Variants in TMPRSS6 observed in about 807,000 individuals in gnomAD.
TMPRSS6 encodes transmembrane protease serine 6.
A neutral mutation model predicts 101.5 loss-of-function variants in TMPRSS6; 67 were observed. The observed-to-expected ratio is 0.66, with a 90% confidence interval of 0.54 to 0.81. The LOEUF (loss-of-function observed/expected upper bound fraction) is 0.81. TMPRSS6 is among the 30% of genes least tolerant of loss of function. The probability of loss-of-function intolerance (pLI) is 0.00; values close to 1 mark genes in which losing one functional copy is unlikely to be tolerated. For missense variants in TMPRSS6, 1,034 were observed against 1,088.7 expected, an observed-to-expected ratio of 0.95 and a Z score of 0.71; for synonymous variants, 453 against 464.9, an observed-to-expected ratio of 0.97 and a Z score of 0.33.
rs765111599 is a variant in TMPRSS6, at chr22:37,103,245, G to A, written c.173C>T (p.Ser58Leu). ...GAAATACCAGAGTAGCACCCCCGCC[G>A]AAGCCAGCACGAGCAGGGCCAGCAG... Reference protein sequence around the residue: ...FVLLALLVLASAGVLLWYFLG... With the variant: ...FVLLALLVLALAGVLLWYFLG... Residue 58 changes from serine (S) to leucine (L), a missense_variant, in exon 2 of 18, where the codon TCG becomes TTG. Transcript: ENST00000676104. The surrounding 1 kb of genome is among the most constrained non-coding windows in gnomAD (Gnocchi z 4.4). 37 of 1,613,932 alleles carry A rather than the reference G, an allele frequency of 2.3e-5. No individual in the cohort carries two copies. The highest frequency in any genetic ancestry group is 2.2e-5 in the East Asian group (1 of 44,892).
rs1926347350 is a variant in TMPRSS6 at position 37,066,898 on chromosome 22, C to T, written c.2178G>A (p.Glu726=). The T allele has an allele frequency of 1.9e-6, 3 of 1,614,152 alleles. No individual in the cohort carries two copies. Among genetic ancestry groups the T allele is most frequent in the Non-Finnish European group, 2.5e-6 (3 of 1,180,030 alleles). Reference sequence around the variant, plus strand: ...GTGGCGTCACCTGGTAGCGATAGACCTCGCTGCACAGGTCCTGTGGGATCA... The same window carrying T: ...GTGGCGTCACCTGGTAGCGATAGACTTCGCTGCACAGGTCCTGTGGGATCA... ...VQLIPQDLCS[E]VYRYQVTPRM... Residue 726 remains glutamate, a synonymous_variant, in exon 17 of 18, where the codon GAG becomes GAA. Transcript: ENST00000676104.
In TMPRSS6 at chr22:37,084,341, A is replaced by G; in HGVS notation, c.1150T>C (p.Tyr384His). Reference protein sequence around the residue: ...FDAYALRRQKYDLPCTQGQWT... With the variant: ...FDAYALRRQKHDLPCTQGQWT... Reference sequence around the variant, plus strand: ...TGGCCCTGGGTGCACGGCAAATCATACTTCTGCCTCCTCAGTGCATAGGCA... The same window carrying G: ...TGGCCCTGGGTGCACGGCAAATCATGCTTCTGCCTCCTCAGTGCATAGGCA... Residue 384 changes from tyrosine (Y) to histidine (H), a missense_variant, in exon 10 of 18, where the codon TAT (tyrosine) becomes CAT (histidine). Transcript: ENST00000676104. 1.9e-6 allele frequency: 3 copies of G among 1,613,636 alleles called. No homozygotes were observed. The highest frequency in any genetic ancestry group is 2.5e-6 in the Non-Finnish European group (3 of 1,179,794).
chr22:37,094,449 C>G (rs1929567462), intron 6 of TMPRSS6, among the ~76,000 whole-genome samples: 2 of 151,032 alleles, frequency 1.3e-5, no homozygotes, highest in South Asian at 4.2e-4. Flanking sequence ...AGCTAGCTAG[C>G]TAGACAGACA....
chr22:37,078,773 A>AGGAGG (rs1569005320), intron 10 of TMPRSS6, among the ~76,000 whole-genome samples: 3 of 144,504 alleles, frequency 2.1e-5, no homozygotes, highest in Non-Finnish European at 3.0e-5. Context: ...GAATGAGGAG[A>AGGAGG]AGGAGGAGGA....
intron 10 of TMPRSS6, among the ~76,000 whole-genome samples, chr22:37,080,994 A>T (rs753244116): frequency 3.3e-5 from 5 of 152,246 alleles, no homozygotes; most frequent in Non-Finnish European, 7.3e-5. Flanking sequence ...ACCCACGTGC[A>T]CTCCAGATCA....
At chr22:37,090,623 A>T (rs866283610) in intron 6 of TMPRSS6, among the ~76,000 whole-genome samples, 20 of 152,306 alleles carry the variant, frequency 1.3e-4, no homozygotes, top group African/African-American at 4.8e-4. Context: ...GCTGTATGAG[A>T]TACTTTCAAT....
rs1232089060 is a variant in TMPRSS6 at position 37,095,914 on chromosome 22, A to T, written c.581T>A (p.Val194Glu). The change falls in exon 5 of 18, where the codon GTG (valine) becomes GAG (glutamate). Residue 194 changes from valine (V) to glutamate (E), a missense_variant. Coordinates refer to ENST00000676104, the MANE Select transcript of TMPRSS6 (RefSeq NM_001374504.1). Reference protein sequence around the residue: ...AEYEVDPEGLVILEASVKDIA... With the variant: ...AEYEVDPEGLEILEASVKDIA... ...CCACTCGCAGTACTGACCCAGGATCACTAGGCCCTCGGGGTCCACTTCGTA... is the reference window on the plus strand; with the variant it reads ...CCACTCGCAGTACTGACCCAGGATCTCTAGGCCCTCGGGGTCCACTTCGTA... The T allele has an allele frequency of 1.2e-6, 2 of 1,614,058 alleles. No individual in the cohort carries two copies.
Position 37,103,139 on chromosome 22 carries a change from G to T in TMPRSS6, c.202+77C>A. 1 of 1,493,870 alleles carries T rather than the reference G, an allele frequency of 6.7e-7. No homozygotes were observed. The highest frequency in any genetic ancestry group is 9.3e-7 in the Non-Finnish European group (1 of 1,078,030). 92.5% of individuals were successfully genotyped at this position (1,493,870 alleles called of 1,614,324 possible). A position where few individuals can be genotyped will look rare whatever the true frequency, so the allele number is the denominator to read the frequency against. On this transcript the variant is annotated intron_variant, in intron 2 of 17. Coordinates refer to ENST00000676104, the MANE Select transcript of TMPRSS6 (RefSeq NM_001374504.1). The surrounding 1 kb of genome is among the most constrained non-coding windows in gnomAD (Gnocchi z 4.4). ...TAAGCACGGCTGAGCCTGGAACCCAGTCCTGTCCTGCTGTGCCTGCTACAG... is the reference window on the plus strand; with the variant it reads ...TAAGCACGGCTGAGCCTGGAACCCATTCCTGTCCTGCTGTGCCTGCTACAG...
At chr22:37,076,064 AAAG>A (rs1428287407) in intron 10 of TMPRSS6, among the ~76,000 whole-genome samples, 1 of 151,564 alleles carries the variant, frequency 6.6e-6, no homozygotes, top group Non-Finnish European at 1.5e-5. Flanking sequence ...GGGAAAGAAA[AAAG>A]AAAAGAAAAG....
chr22:37,102,168 C>T, intron 2 of TMPRSS6, among the ~76,000 whole-genome samples: 1 of 152,366 alleles, frequency 6.6e-6, no homozygotes. Context: ...AGAGCACTAG[C>T]TATCCTTTGC....
intron 10 of TMPRSS6, among the ~76,000 whole-genome samples, chr22:37,081,769 G>A (rs1307436046): frequency 1.3e-5 from 2 of 152,188 alleles, no homozygotes; most frequent in Admixed American, 6.5e-5. Flanking sequence ...AGGGACAAGA[G>A]GCCAAGTCCT....
chr22:37,107,719 C>T lies in TMPRSS6; in HGVS notation c.-2+1784G>A, dbSNP rs140588660. 7.2e-3 allele frequency among the ~76,000 whole-genome samples: 1,103 copies of T among 152,268 alleles called. 4 individuals carry two copies. Among genetic ancestry groups the T allele is most frequent in the Non-Finnish European group, 0.012 (829 of 68,026 alleles). On this transcript the variant is annotated intron_variant, in intron 1 of 17. Transcript: ENST00000676104. ...TCCTCTTTGCTGAATGGGAGGTTTG[C>T]TCCTTGCTGGGCCTGGGATGTTTTC...
chr22:37,084,878 G>A, intron 8 of TMPRSS6, 39 bp from the exon 9 acceptor site: 2 of 1,500,112 alleles, frequency 1.3e-6, no homozygotes, highest in Non-Finnish European at 1.8e-6. Flanking sequence ...GGGTCCCCTG[G>A]CTGCACCTCC....
intron 2 of TMPRSS6, among the ~76,000 whole-genome samples, chr22:37,099,848 G>T (rs940173172): frequency 7.8e-6 from 1 of 128,526 alleles, no homozygotes; most frequent in African/African-American, 2.6e-5. Context: ...ACAGCAGGAG[G>T]GTATGAGATG....
At chr22:37,068,168 T>A (rs1400163030) in intron 16 of TMPRSS6, among the ~76,000 whole-genome samples, 1 of 152,180 alleles carries the variant, frequency 6.6e-6, no homozygotes, top group Non-Finnish European at 1.5e-5. Context: ...CTCTTCATCC[T>A]TATGTACCCT....
rs1445077260 is a variant in TMPRSS6 at position 37,101,182 on chromosome 22, G to A, written c.202+2034C>T. Reference sequence around the variant, plus strand: ...GCTGGGCCATTGTGTGGGCAGAGGGGGCGGGATCGGGGTCCCAGGAGGAGT... The same window carrying A: ...GCTGGGCCATTGTGTGGGCAGAGGGAGCGGGATCGGGGTCCCAGGAGGAGT... On this transcript the variant is annotated intron_variant, in intron 2 of 17. Transcript: ENST00000676104. The surrounding 1 kb of genome is among the most constrained non-coding windows in gnomAD (Gnocchi z 4.1). Among the ~76,000 whole-genome samples, 1 of 152,146 alleles carries A rather than the reference G, an allele frequency of 6.6e-6. No individual in the cohort carries two copies. Among genetic ancestry groups the A allele is most frequent in the Non-Finnish European group, 1.5e-5 (1 of 68,024 alleles).
At chr22:37,066,521 A>C (rs534632507) in intron 17 of TMPRSS6, among the ~76,000 whole-genome samples, 1 of 152,216 alleles carries the variant, frequency 6.6e-6, no homozygotes, top group South Asian at 2.1e-4. Context: ...TTCTTCTTCC[A>C]TGCATCCACC....
intron 10 of TMPRSS6, among the ~76,000 whole-genome samples, chr22:37,080,557 C>A (rs562522607): frequency 6.6e-6 from 1 of 152,276 alleles, no homozygotes; most frequent in South Asian, 2.1e-4. Flanking sequence ...CTAAGAATTT[C>A]TCAGCATCTA....
chr22:37,089,153 T>C (rs2235323), intron 7 of TMPRSS6, among the ~76,000 whole-genome samples: 60,507 of 151,938 alleles, frequency 0.4, 12,243 homozygotes, highest in African/African-American at 0.43. Context: ...TCCCCTCCCA[T>C]GGGGAATCTA....
Sources: gnomAD v4.1 joint callset for allele counts (sites outside exome capture counted in the v4.1 genomes callset) on GRCh38, gnomAD v4.1.1 for gene constraint, Gnocchi (gnomAD v3.1) non-coding constraint, MANE v1.5 for transcripts, NCBI Gene and HGNC (gene_info 2026-07-23, HGNC 2026-07-21) for gene names.